Variants in DAB1 observed in about 807,000 individuals in gnomAD.
The protein encoded by DAB1 is DAB adaptor protein 1, also known as disabled homolog 1.
In DAB1, 15 loss-of-function variants were observed where a neutral mutation model predicts 64.6. The ratio of observed to expected loss-of-function variants is 0.23; its 90% CI spans 0.16 to 0.36. The LOEUF is 0.36. Among genes scored for constraint, DAB1 ranks in the 10% least tolerant of loss-of-function variants. DAB1 has a pLI of 1.00. For synonymous variants in DAB1, 235 were observed against 251.9 expected, an observed-to-expected ratio of 0.93 and a Z score of 0.64; for missense variants, 596 against 706.7, an observed-to-expected ratio of 0.84 and a Z score of 1.78.
At chr1:57,216,486 A>G (rs1666437095) in intron 2 of DAB1, among the ~76,000 whole-genome samples, 2 of 152,196 alleles carry the variant, frequency 1.3e-5, no homozygotes, top group African/African-American at 4.8e-5. Context: ...ATTTTCAAAC[A>G]TTCCCTTTAG....
intron 2 of DAB1, among the ~76,000 whole-genome samples, chr1:58,521,048 A>G (rs1441026407): frequency 6.6e-6 from 1 of 152,204 alleles, no homozygotes; most frequent in Non-Finnish European, 1.5e-5. Context: ...CCTGAGCCAC[A>G]AAGCAAGACC....
At chr1:57,938,981 CA>C (rs1438372511) in intron 5 of DAB1, among the ~76,000 whole-genome samples, 1 of 152,054 alleles carries the variant, frequency 6.6e-6, no homozygotes, top group African/African-American at 2.4e-5. Context: ...GTTATTCAAA[CA>C]AATTTCTAAT....
intron 4 of DAB1, among the ~76,000 whole-genome samples, chr1:57,075,158 C>T (rs1651873309): frequency 6.6e-6 from 1 of 152,086 alleles, no homozygotes; most frequent in African/African-American, 2.4e-5. Flanking sequence ...TAGAACATTG[C>T]TCTAAAATTA....
intron 4 of DAB1, among the ~76,000 whole-genome samples, chr1:58,170,183 G>T (rs1240719961): frequency 6.6e-6 from 1 of 152,176 alleles, no homozygotes; most frequent in Non-Finnish European, 1.5e-5. Flanking sequence ...GATCCCCACT[G>T]GGACCTCGAC....
At chr1:58,105,194 C>A (rs1383091103) in intron 5 of DAB1, among the ~76,000 whole-genome samples, 1 of 152,214 alleles carries the variant, frequency 6.6e-6, no homozygotes, top group Non-Finnish European at 1.5e-5. Flanking sequence ...GGTCACAGAA[C>A]AGTTCCTCGT....
chr1:57,052,202 A>G (rs916420900), intron 9 of DAB1, among the ~76,000 whole-genome samples: 27 of 152,228 alleles, frequency 1.8e-4, no homozygotes, highest in African/African-American at 6.5e-4. Context: ...CAGATGCTCA[A>G]TAAAGTCTAG....
intron 2 of DAB1, among the ~76,000 whole-genome samples, chr1:57,273,906 G>T (rs1301762538): frequency 6.6e-6 from 1 of 152,000 alleles, no homozygotes; most frequent in Non-Finnish European, 1.5e-5. Context: ...AGGGCCAGCG[G>T]TGAGTCCACT....
chr1:58,476,022 T>G (rs554479485), intron 3 of DAB1, among the ~76,000 whole-genome samples: 2 of 152,246 alleles, frequency 1.3e-5, no homozygotes, highest in African/African-American at 4.8e-5. Flanking sequence ...TTGGTCAAAA[T>G]TAACAAGTTA....
intron 5 of DAB1, among the ~76,000 whole-genome samples, chr1:58,050,809 G>A (rs533759607): frequency 1.3e-5 from 2 of 152,272 alleles, no homozygotes; most frequent in East Asian, 1.9e-4. Flanking sequence ...GATTACAGGC[G>A]TGAGCCACCG....
intron 2 of DAB1, among the ~76,000 whole-genome samples, chr1:57,268,872 G>A (rs1276295272): frequency 1.3e-5 from 2 of 152,136 alleles, no homozygotes; most frequent in Non-Finnish European, 2.9e-5. Flanking sequence ...CCTTTACAAT[G>A]GTGTTGGAGA....
chr1:58,331,849 G>C (rs778939072), intron 4 of DAB1, among the ~76,000 whole-genome samples: 8 of 152,176 alleles, frequency 5.3e-5, no homozygotes, highest in Non-Finnish European at 1.2e-4. Flanking sequence ...TGTTGCAGTG[G>C]TCTGAAACCG....
intron 5 of DAB1, among the ~76,000 whole-genome samples, chr1:57,984,184 A>AAAAAAAAG (rs1276859040): frequency 0.063 from 3,179 of 50,764 alleles, 717 homozygotes; most frequent in East Asian, 0.098. Context: ...TAGCTTAAAA[A>AAAAAAAAG]AAAGAAAGAA....
In DAB1 at chr1:57,326,805, A is replaced by C. The variant is rs1254261478; in HGVS notation, c.-136-35639T>G. On this transcript the variant is annotated intron_variant, in intron 1 of 14. Coordinates refer to ENST00000371236, the MANE Select transcript of DAB1 (RefSeq NM_001365792.1). ...GAGTACCATCCTCAGACCTCATCGA[A>C]TCCTCATCACCTCCCAATGTCCCTG... Among the ~76,000 whole-genome samples, 4 of 152,060 alleles carry C rather than the reference A, an allele frequency of 2.6e-5. No homozygotes were observed. In the East Asian group the frequency reaches 7.7e-4, roughly 29 times the overall value.
At chr1:57,027,890 A>G (rs1014791930) in intron 9 of DAB1, among the ~76,000 whole-genome samples, 3 of 152,168 alleles carry the variant, frequency 2.0e-5, no homozygotes, top group Non-Finnish European at 4.4e-5. Context: ...TAAATGTTCA[A>G]CAACTGCTAG....
chr1:57,520,973 C>T (rs999327733), intron 7 of DAB1, among the ~76,000 whole-genome samples: 1 of 152,040 alleles, frequency 6.6e-6, no homozygotes, highest in African/African-American at 2.4e-5. Flanking sequence ...TTTCCAGGAA[C>T]TAGAAGAAAC....
chr1:57,460,096 T>C (rs1389727649), intron 7 of DAB1, among the ~76,000 whole-genome samples: 2 of 152,162 alleles, frequency 1.3e-5, no homozygotes, highest in Non-Finnish European at 2.9e-5. Context: ...TCCAGAAAAG[T>C]GCAAAGGCTA....
chr1:57,691,832 G>C (rs981303372), intron 6 of DAB1, among the ~76,000 whole-genome samples: 2 of 152,062 alleles, frequency 1.3e-5, no homozygotes, highest in African/African-American at 4.8e-5. Context: ...GACCCCTTTC[G>C]CTTGCTATTC....
intron 8 of DAB1, among the ~76,000 whole-genome samples, chr1:57,068,658 A>C (rs1651156835): frequency 6.6e-6 from 1 of 152,224 alleles, no homozygotes; most frequent in Non-Finnish European, 1.5e-5. Flanking sequence ...ATGTGCTGCT[A>C]TACGGCAGTT....
At chr1:57,641,513 A>G (rs1019689162) in intron 7 of DAB1, among the ~76,000 whole-genome samples, 6 of 150,002 alleles carry the variant, frequency 4.0e-5, no homozygotes, top group Non-Finnish European at 1.5e-5. Context: ...CCTCCCGAGT[A>G]GCTGGGACTA....
Sources: allele counts gnomAD v4.1 joint callset (sites outside exome capture counted in the v4.1 genomes callset), GRCh38; gene constraint gnomAD v4.1.1; transcripts MANE v1.5; gene names NCBI Gene and HGNC (gene_info 2026-07-23, HGNC 2026-07-21).